The following PLA2G4E variants were observed in gnomAD, a reference collection of about 807,000 sequenced individuals.
PLA2G4E encodes phospholipase A2 group IVE.
A neutral mutation model predicts 109.1 loss-of-function variants in PLA2G4E; 84 were observed. That is an observed-to-expected ratio of 0.77 (90% CI 0.65 to 0.92). The LOEUF (loss-of-function observed/expected upper bound fraction) is 0.92. Ranked by LOEUF, PLA2G4E falls within the 40% of genes least tolerant of loss-of-function variation. The pLI is 0.00. For synonymous variants in PLA2G4E, 469 were observed against 436.1 expected (o/e 1.08, Z -0.94); for missense variants, 1,057 against 1,076.6 (o/e 0.98, Z 0.25).
chr15:42,020,018 C>G (rs139271598), intron 1 of PLA2G4E, among the ~76,000 whole-genome samples: 4 of 152,350 alleles, frequency 2.6e-5, no homozygotes, highest in African/African-American at 9.6e-5. Context: ...GGCCAGACGC[C>G]CTTCCAGCCA....
intron 1 of PLA2G4E, among the ~76,000 whole-genome samples, chr15:42,040,224 A>C (rs1889293334): frequency 6.6e-6 from 1 of 152,094 alleles, no homozygotes; most frequent in African/African-American, 2.4e-5. Context: ...ACACCTACAC[A>C]CACACTACAG....
In PLA2G4E at chr15:42,023,304, C is replaced by A. The variant is rs534008618; in HGVS notation, c.184-9547G>T. The stretch of plus-strand genomic sequence containing the variant: ...CTTGGTTCTGGCCCTGCATTTGGAC[C>A]CAGTCTGCCCTGTGTTCAGAGGTCA... On this transcript the variant is annotated intron_variant, in intron 1 of 19. Coordinates refer to ENST00000399518, the Ensembl canonical transcript of PLA2G4E. Among the ~76,000 whole-genome samples the A allele has an allele frequency of 2.5e-3, 378 of 151,596 alleles. 1 individual carries two copies. The highest frequency in any genetic ancestry group is 7.1e-3 in the Admixed American group (107 of 15,172).
At chr15:41,983,683 TG>T in exon 20 of PLA2G4E, 1 of 1,366,660 alleles carries the variant, frequency 7.3e-7, no homozygotes. Context: ...CGTAGTAACC[TG>T]GTCAGCCCTG....
chr15:42,001,186 T>C, exon 7 of PLA2G4E: 1 of 1,613,718 alleles, frequency 6.2e-7, no homozygotes. Flanking sequence ...CCTCCTGGAT[T>C]GTGCATGAAC....
chr15:41,993,567 C>T (rs781779331), intron 12 of PLA2G4E, among the ~76,000 whole-genome samples: 11 of 151,968 alleles, frequency 7.2e-5, no homozygotes, highest in Non-Finnish European at 1.3e-4. Context: ...TGTTGGTTGT[C>T]GGGGGGAGCA....
intron 1 of PLA2G4E, among the ~76,000 whole-genome samples, chr15:42,031,960 G>C (rs11632634): frequency 6.6e-6 from 1 of 152,014 alleles, no homozygotes; most frequent in African/African-American, 2.4e-5. Context: ...GGGTCATGGG[G>C]ATGGATTTCT....
At chr15:42,036,748 G>C (rs1169140666) in intron 1 of PLA2G4E, among the ~76,000 whole-genome samples, 1 of 152,160 alleles carries the variant, frequency 6.6e-6, no homozygotes, top group African/African-American at 2.4e-5. Flanking sequence ...AGGAGGGGCG[G>C]ATGGAGCTGC....
At chr15:41,990,175 G>T (rs767918262) in exon 14 of PLA2G4E, 3 of 1,613,664 alleles carry the variant, frequency 1.9e-6, no homozygotes. Context: ...AGGTAGATGG[G>T]CAGGGGGTTC....
At chr15:42,005,064 G>A (rs951224852) in intron 4 of PLA2G4E, 86 bp from the exon 5 acceptor site, 24 of 1,510,888 alleles carry the variant, frequency 1.6e-5, no homozygotes, top group Non-Finnish European at 2.0e-5. Context: ...GGGAGCCGCT[G>A]TGGACCTGCC....
intron 1 of PLA2G4E, chr15:42,050,480 AT>A: frequency 6.5e-7 from 1 of 1,527,938 alleles, no homozygotes; most frequent in Non-Finnish European, 8.8e-7. Context: ...TGAGGTTAAA[AT>A]TTAAGGGACC....
intron 1 of PLA2G4E, among the ~76,000 whole-genome samples, chr15:42,048,305 A>G (rs1889448970): frequency 1.3e-5 from 2 of 152,198 alleles, no homozygotes; most frequent in African/African-American, 2.4e-5. Flanking sequence ...AAATGATGAA[A>G]TTGCCTAATG....
At chr15:41,997,011 A>G in intron 11 of PLA2G4E, 113 bp downstream of exon 11, 1 of 1,345,932 alleles carries the variant, frequency 7.4e-7, no homozygotes, top group South Asian at 1.6e-5. Flanking sequence ...CCTCAGCAGT[A>G]AAAGCATCCA....
intron 1 of PLA2G4E, among the ~76,000 whole-genome samples, chr15:42,048,928 G>A (rs1483512074): frequency 6.6e-6 from 1 of 152,238 alleles, no homozygotes. Context: ...ACTTCTAGGT[G>A]TGAGTCAGGA....
At chr15:41,989,504 G>C (rs761834901) in exon 15 of PLA2G4E, 21 of 1,613,764 alleles carry the variant, frequency 1.3e-5, no homozygotes, top group Non-Finnish European at 1.8e-5. Context: ...GGGGATGAAG[G>C]CCCCATACTT....
chr15:42,029,315 CAAA>C (rs1353868550), intron 1 of PLA2G4E, among the ~76,000 whole-genome samples: 1 of 152,150 alleles, frequency 6.6e-6, no homozygotes, highest in Admixed American at 6.5e-5. Flanking sequence ...AGGCCAGTCT[CAAA>C]CACCTGGGCT....
At chr15:42,000,078 C>T in intron 8 of PLA2G4E, 26 bp downstream of exon 8, 2 of 1,576,932 alleles carry the variant, frequency 1.3e-6, no homozygotes, top group East Asian at 2.3e-5. Flanking sequence ...TCCCCCACAC[C>T]TCCCCCAGTG....
intron 1 of PLA2G4E, among the ~76,000 whole-genome samples, chr15:42,018,137 G>A (rs2141062252): frequency 6.6e-6 from 1 of 152,362 alleles, no homozygotes; most frequent in Non-Finnish European, 1.5e-5. Flanking sequence ...TTCTTGGGTT[G>A]CAATGAATGT....
chr15:42,032,944 C>T (rs1889139772), intron 1 of PLA2G4E, among the ~76,000 whole-genome samples: 1 of 152,174 alleles, frequency 6.6e-6, no homozygotes. Context: ...TCCCCCACCC[C>T]TCCCCACTGC....
rs1360159337 is a variant in PLA2G4E, at chr15:41,989,277, C to A, written c.1723+138G>T. On this transcript the variant is annotated intron_variant, in intron 15 of 19. Transcript: ENST00000399518. ...GGAGAGCCCCCAGACCAACTCTGGT[C>A]CCCAGTGACTTGGGACCACTCCTAG... The A allele has an allele frequency of 1.1e-5, 13 of 1,228,696 alleles. 1 individual carries two copies. The South Asian group carries it at 2.1e-4, about 20-fold the overall frequency. The allele number at this position is 1,228,696 out of a possible 1,614,324, so 76.1% of individuals were successfully genotyped here. A position where few individuals can be genotyped will look rare whatever the true frequency, so the allele number is the denominator to read the frequency against.
Sources: allele counts gnomAD v4.1 joint callset (sites outside exome capture counted in the v4.1 genomes callset), GRCh38; gene constraint gnomAD v4.1.1; transcripts MANE v1.5; gene names NCBI Gene and HGNC (gene_info 2026-07-23, HGNC 2026-07-21).